The following ADGRL3 variants were observed in gnomAD, a reference collection of about 807,000 sequenced individuals.
ADGRL3 encodes adhesion G protein-coupled receptor L3.
In ADGRL3, 62 loss-of-function variants were observed where a neutral mutation model predicts 153.5. That is an observed-to-expected ratio of 0.40 (90% CI 0.33 to 0.50). The LOEUF (loss-of-function observed/expected upper bound fraction) is 0.50, where lower values mean the gene tolerates loss of function less well. Ranked by LOEUF, ADGRL3 falls within the 20% of genes least tolerant of loss-of-function variation. The pLI, the probability that ADGRL3 is intolerant of heterozygous loss-of-function variation, is 0.47. For synonymous variants in ADGRL3, 710 were observed against 672.5 expected, an observed-to-expected ratio of 1.06 and a Z score of -0.86; for missense variants, 1,641 against 1,859.4, an observed-to-expected ratio of 0.88 and a Z score of 2.16.
chr4:61,484,174 C>T (rs2098164232), intron 2 of ADGRL3, among the ~76,000 whole-genome samples: 1 of 151,884 alleles, frequency 6.6e-6, no homozygotes, highest in Non-Finnish European at 1.5e-5. Flanking sequence ...ATAGTTTATC[C>T]TAATGCTGCT....
At chr4:61,859,065 C>A (rs192234233) in intron 9 of ADGRL3, among the ~76,000 whole-genome samples, 4 of 152,178 alleles carry the variant, frequency 2.6e-5, no homozygotes, top group African/African-American at 9.6e-5. Context: ...CATACATTAA[C>A]TTTATAAAAT....
intron 21 of ADGRL3, among the ~76,000 whole-genome samples, chr4:62,000,605 C>A (rs2099136830): frequency 6.6e-6 from 1 of 152,112 alleles, no homozygotes; most frequent in Non-Finnish European, 1.5e-5. Flanking sequence ...TTTAATCTTT[C>A]TGTGGCTTCC....
intron 1 of ADGRL3, among the ~76,000 whole-genome samples, chr4:61,211,455 C>T (rs760818634): frequency 1.1e-4 from 16 of 152,048 alleles, no homozygotes; most frequent in Admixed American, 2.6e-4. Context: ...CCTCTGTGGA[C>T]GAATGGATAG....
chr4:61,521,975 T>C (rs1439014042), intron 4 of ADGRL3, among the ~76,000 whole-genome samples: 1 of 152,154 alleles, frequency 6.6e-6, no homozygotes, highest in Admixed American at 6.6e-5. Context: ...GGTAGCCTTA[T>C]TATTTGTTAG....
Position 61,998,279 on chromosome 4 carries a change from AT to A in ADGRL3, c.3395+19del. On this transcript the variant is annotated intron_variant, in intron 21 of 26. Transcript: ENST00000683033. ...TGATAACATCAAGTAAGTGATTTTTATTTTTGTTTTCTATAGGTTGTGTTAC... is the reference window on the plus strand; with the variant it reads ...TGATAACATCAAGTAAGTGATTTTTATTTTGTTTTCTATAGGTTGTGTTAC... 7.0e-7 allele frequency: 1 copy of A among 1,433,674 alleles called. No homozygotes were observed. The highest frequency in any genetic ancestry group is 1.4e-5 in the African/African-American group (1 of 69,500). 88.8% of individuals were successfully genotyped at this position (1,433,674 alleles called of 1,614,324 possible).
chr4:61,432,643 T>TTTC (rs1560623596), intron 2 of ADGRL3, among the ~76,000 whole-genome samples: 1 of 80,368 alleles, frequency 1.2e-5, no homozygotes, highest in Non-Finnish European at 2.5e-5. Context: ...TCTTTCTTTC[T>TTTC]TTCTTTCTTT....
intron 9 of ADGRL3, among the ~76,000 whole-genome samples, chr4:61,849,398 C>T (rs1372421373): frequency 2.6e-5 from 4 of 152,110 alleles, no homozygotes; most frequent in African/African-American, 9.7e-5. Context: ...TACTACACAG[C>T]CTCACTTAGC....
intron 1 of ADGRL3, among the ~76,000 whole-genome samples, chr4:61,368,966 T>C (rs1281402323): frequency 2.6e-5 from 4 of 152,224 alleles, no homozygotes; most frequent in Non-Finnish European, 1.5e-5. Context: ...GTTGGATTCC[T>C]AGGTATTTTA....
At chr4:61,643,844 G>T (rs895662791) in intron 5 of ADGRL3, among the ~76,000 whole-genome samples, 31 of 146,670 alleles carry the variant, frequency 2.1e-4, no homozygotes, top group African/African-American at 7.2e-4. Flanking sequence ...CTATTGATTG[G>T]AATAGTTTCA....
intron 9 of ADGRL3, among the ~76,000 whole-genome samples, chr4:61,825,960 C>T (rs1027492023): frequency 6.6e-6 from 1 of 152,110 alleles, no homozygotes; most frequent in African/African-American, 2.4e-5. Flanking sequence ...TGTGTGGTCA[C>T]TGAGTAAAAT....
chr4:61,904,839 A>G (rs1288630386), intron 11 of ADGRL3, among the ~76,000 whole-genome samples: 1 of 152,214 alleles, frequency 6.6e-6, no homozygotes, highest in Non-Finnish European at 1.5e-5. Context: ...AATGAAGGAA[A>G]TGAATTACCT....
At chr4:62,042,503 G>A (rs1305167294) in intron 24 of ADGRL3, among the ~76,000 whole-genome samples, 1 of 151,826 alleles carries the variant, frequency 6.6e-6, no homozygotes, top group African/African-American at 2.4e-5. Flanking sequence ...AACCAGCATT[G>A]CCAACCTCTG....
At chr4:61,886,633 T>C (rs2098540882) in intron 9 of ADGRL3, among the ~76,000 whole-genome samples, 1 of 148,678 alleles carries the variant, frequency 6.7e-6, no homozygotes, top group Non-Finnish European at 1.5e-5. Context: ...CATTTGTTTG[T>C]TTGTTTGTTT....
chr4:61,553,473 C>T (rs906253906), intron 4 of ADGRL3, among the ~76,000 whole-genome samples: 2 of 152,092 alleles, frequency 1.3e-5, no homozygotes, highest in Non-Finnish European at 2.9e-5. Context: ...TACAATACTT[C>T]TCAGAATACT....
intron 4 of ADGRL3, among the ~76,000 whole-genome samples, chr4:61,561,936 A>C (rs1353460708): frequency 9.2e-5 from 14 of 152,074 alleles, no homozygotes; most frequent in Admixed American, 9.2e-4. Flanking sequence ...CACCATGCTC[A>C]GCTAAAATTA....
chr4:61,909,759 T>TTGTGTGTGTG lies in ADGRL3; in HGVS notation c.2073+15_2073+16insGTGTGTGTGT. ...AGTTTGAACAAGGTAAGGACCCTAATTATGTGTGTGTGTGTGTGTGTGTGT... is the reference window on the plus strand; with the variant it reads ...AGTTTGAACAAGGTAAGGACCCTAATTGTGTGTGTGTATGTGTGTGTGTGTGTGTGTGTGT... On this transcript the variant is annotated intron_variant, in intron 12 of 26. Transcript: ENST00000683033. The TTGTGTGTGTG allele has an allele frequency of 9.3e-7, 1 of 1,073,460 alleles. No homozygotes were observed. The allele number at this position is 1,073,460 out of a possible 1,614,324, so 66.5% of individuals were successfully genotyped here. A position where few individuals can be genotyped will look rare whatever the true frequency, so the allele number is the denominator to read the frequency against.
rs140906517 is a variant in ADGRL3 at position 61,253,234 on chromosome 4, T to G, written c.-240+51469T>G. Among the ~76,000 whole-genome samples, 3 of 152,344 alleles carry G rather than the reference T, an allele frequency of 2.0e-5. No homozygotes were observed. In the East Asian group the frequency reaches 5.8e-4, roughly 29 times the overall value. ...CAGAAATTTGCAAACACAGCAAAGT[T>G]ATGTTAATGATTCTGACTCATGCAC... On this transcript the variant is annotated intron_variant, in intron 1 of 26. Coordinates refer to ENST00000683033, the MANE Select transcript of ADGRL3 (RefSeq NM_001387552.1).
chr4:61,653,396 T>A (rs1223968058), intron 5 of ADGRL3, among the ~76,000 whole-genome samples: 1 of 152,182 alleles, frequency 6.6e-6, no homozygotes, highest in Non-Finnish European at 1.5e-5. Context: ...GACTAAAATA[T>A]ATGCGTTGTA....
At chr4:61,592,204 C>A (rs545380727) in intron 5 of ADGRL3, among the ~76,000 whole-genome samples, 1 of 151,858 alleles carries the variant, frequency 6.6e-6, no homozygotes, top group Admixed American at 6.6e-5. Context: ...TGAAGTCATT[C>A]GGGGTGATGC....
Sources: allele counts gnomAD v4.1 joint callset (sites outside exome capture counted in the v4.1 genomes callset), GRCh38; gene constraint gnomAD v4.1.1; transcripts MANE v1.5; gene names NCBI Gene and HGNC (gene_info 2026-07-23, HGNC 2026-07-21).